The following CASZ1 variants were observed in gnomAD, a reference collection of about 807,000 sequenced individuals.
CASZ1 encodes the protein zinc finger protein castor homolog 1.
Under a neutral mutation model 135.2 loss-of-function variants are expected in CASZ1, and 28 were observed. The observed-to-expected ratio is 0.21, with a 90% CI of 0.15 to 0.28. The LOEUF (loss-of-function observed/expected upper bound fraction) is 0.28, where lower values mean the gene tolerates loss of function less well. CASZ1 is among the 10% of genes least tolerant of loss of function. The probability of loss-of-function intolerance (pLI) is 1.00; values close to 1 mark genes in which losing one functional copy is unlikely to be tolerated. For missense variants in CASZ1, 2,161 were observed against 2,453.3 expected, an observed-to-expected ratio of 0.88 and a Z score of 2.52; for synonymous variants, 1,068 against 1,073.4, an observed-to-expected ratio of 0.99 and a Z score of 0.10.
intron 2 of CASZ1, among the ~76,000 whole-genome samples, chr1:10,736,013 G>A (rs982501510): frequency 6.6e-6 from 1 of 152,132 alleles, no homozygotes; most frequent in Non-Finnish European, 1.5e-5. Flanking sequence ...TAAAGGCAGA[G>A]GAAACCCCAA....
intron 11 of CASZ1, 191 bp downstream of exon 11, chr1:10,653,185 GC>G: frequency 1.5e-6 from 1 of 653,756 alleles, no homozygotes; most frequent in South Asian, 1.8e-5. Flanking sequence ...ACTGTGGGGA[GC>G]CAGAACCAGG....
chr1:10,684,384 G>A (rs1638521259), intron 4 of CASZ1, among the ~76,000 whole-genome samples: 1 of 152,232 alleles, frequency 6.6e-6, no homozygotes, highest in Non-Finnish European at 1.5e-5. Context: ...ACACGAGCAT[G>A]CCTGCCCCAG....
chr1:10,656,167 T>C (rs1398325980), intron 8 of CASZ1, among the ~76,000 whole-genome samples: 1 of 152,224 alleles, frequency 6.6e-6, no homozygotes, highest in East Asian at 1.9e-4. Context: ...CTGGGATCCC[T>C]GGCAAGCCAG....
At chr1:10,787,554 T>C (rs1197375327) in intron 1 of CASZ1, among the ~76,000 whole-genome samples, 1 of 152,148 alleles carries the variant, frequency 6.6e-6, no homozygotes, top group Non-Finnish European at 1.5e-5. Context: ...ACAGCCCTCA[T>C]AGGTACTCTG....
At chr1:10,649,031 G>T (rs764585287) in intron 15 of CASZ1, 39 bp downstream of exon 15, 6 of 1,604,854 alleles carry the variant, frequency 3.7e-6, no homozygotes, top group African/African-American at 1.3e-5. Flanking sequence ...GCTGGGATCC[G>T]TGGGGCTCTG....
At chr1:10,787,445 C>G (rs1350486310) in intron 1 of CASZ1, among the ~76,000 whole-genome samples, 1 of 152,222 alleles carries the variant, frequency 6.6e-6, no homozygotes, top group Admixed American at 6.5e-5. Flanking sequence ...CCCGAAGGAG[C>G]TGTGGGGACG....
In CASZ1 at chr1:10,739,630, C is replaced by T. The variant is rs1288294399; in HGVS notation, c.-77+21071G>A. Among the ~76,000 whole-genome samples the T allele has an allele frequency of 2.6e-5, 4 of 152,208 alleles. No homozygotes were observed. The highest frequency in any genetic ancestry group is 4.4e-5 in the Non-Finnish European group (3 of 68,028). ...GCCTTCTTGTCGTTGATCAAAACAA[C>T]AGGGCCACCAGCTCCTCAAGAGTCC... On this transcript the variant is annotated intron_variant, in intron 2 of 20. Transcript: ENST00000377022. This position sits in a 1 kb window ranked among gnomAD's most constrained non-coding sequence, Gnocchi z 4.8.
At chr1:10,684,648 C>A (rs555773616) in intron 4 of CASZ1, among the ~76,000 whole-genome samples, 268 of 152,312 alleles carry the variant, frequency 1.8e-3, no homozygotes, top group African/African-American at 6.2e-3. Flanking sequence ...CAGTTCTGGG[C>A]AAACTGGGGT....
In CASZ1 at chr1:10,755,134, C is replaced by T. The variant is rs747484551; in HGVS notation, c.-77+5567G>A. On this transcript the variant is annotated intron_variant, in intron 2 of 20. Transcript: ENST00000377022. The surrounding 1 kb of genome is among the most constrained non-coding windows in gnomAD (Gnocchi z 4.3). ...CAAGCGGCAGTGGTGTGGGTGGGAACGTGGCAGCATCCAGGGGTCCCGCGG... is the reference window on the plus strand; with the variant it reads ...CAAGCGGCAGTGGTGTGGGTGGGAATGTGGCAGCATCCAGGGGTCCCGCGG... Among the ~76,000 whole-genome samples the T allele has an allele frequency of 1.3e-5, 2 of 152,304 alleles. No homozygotes were observed. Among genetic ancestry groups the T allele is most frequent in the East Asian group, 3.9e-4 (2 of 5,172 alleles).
chr1:10,666,671 C>T lies in CASZ1; in HGVS notation c.17-1100G>A, dbSNP rs1015734074. On this transcript the variant is annotated intron_variant, in intron 4 of 20. Transcript: ENST00000377022. The surrounding 1 kb of genome is among the most constrained non-coding windows in gnomAD (Gnocchi z 5.2). ...ACTTGAGAGCCAGCGACCTCCCTCG[C>T]GGCCGCATAGCCCAAACTCTGTCCC... 1.3e-5 allele frequency among the ~76,000 whole-genome samples: 2 copies of T among 152,188 alleles called. No individual in the cohort carries two copies. Among genetic ancestry groups the T allele is most frequent in the Non-Finnish European group, 2.9e-5 (2 of 68,028 alleles).
intron 1 of CASZ1, among the ~76,000 whole-genome samples, chr1:10,785,046 GCTTT>G (rs1640830921): frequency 2.0e-5 from 1 of 49,710 alleles, no homozygotes; most frequent in African/African-American, 6.4e-5. Context: ...TTGCTTGCTT[GCTTT>G]CTTTCTGTCT....
Position 10,660,405 on chromosome 1 carries a change from AG to A in CASZ1, c.636del (p.Ser213ProfsTer94). The A allele has an allele frequency of 6.2e-7, 1 of 1,614,154 alleles. No homozygotes were observed. Among genetic ancestry groups the A allele is most frequent in the Non-Finnish European group, 8.5e-7 (1 of 1,180,014 alleles). ...RKISFEKLHA[G>X]STPEAATSSM... ...GAGGAGGTGGCTGCCTCCGGGGTGG[AG>A]CCCGCGTGCAGCTTCTCAAAGCTGA... On this transcript the variant is annotated frameshift_variant, in exon 6 of 21. Transcript: ENST00000377022. LOFTEE classifies it high-confidence loss of function.
chr1:10,677,917 C>T (rs1416556493), intron 4 of CASZ1, among the ~76,000 whole-genome samples: 1 of 152,218 alleles, frequency 6.6e-6, no homozygotes, highest in Non-Finnish European at 1.5e-5. Flanking sequence ...AAGCCAGGCT[C>T]CCCCGTTCTC....
At chr1:10,751,748 G>A (rs1640155026) in intron 2 of CASZ1, among the ~76,000 whole-genome samples, 2 of 152,186 alleles carry the variant, frequency 1.3e-5, no homozygotes, top group Admixed American at 6.5e-5. Context: ...CTGGCTGGCT[G>A]TGCCGGGAAA....
intron 20 of CASZ1, among the ~76,000 whole-genome samples, chr1:10,640,946 G>A (rs1047745863): frequency 2.6e-5 from 4 of 152,218 alleles, no homozygotes; most frequent in Non-Finnish European, 5.9e-5. Flanking sequence ...CAGAGGCACA[G>A]GCAGCTAGTC....
chr1:10,766,819 G>A (rs764998976), intron 1 of CASZ1, among the ~76,000 whole-genome samples: 2 of 152,188 alleles, frequency 1.3e-5, no homozygotes, highest in African/African-American at 2.4e-5. Flanking sequence ...TGAAGTAGAT[G>A]GTTCTCTCAA....
In CASZ1 at chr1:10,697,672, C is replaced by T. The variant is rs188632995; in HGVS notation, c.-23-3760G>A. On this transcript the variant is annotated intron_variant, in intron 3 of 20. Transcript: ENST00000377022. The surrounding 1 kb of genome is among the most constrained non-coding windows in gnomAD (Gnocchi z 4.7). Reference sequence around the variant, plus strand: ...CTTCTCACTCACCAGCCTGTTTACACACCAGGTATCTCATGCTTTATCTGC... The same window carrying T: ...CTTCTCACTCACCAGCCTGTTTACATACCAGGTATCTCATGCTTTATCTGC... 2.0e-5 allele frequency among the ~76,000 whole-genome samples: 3 copies of T among 152,322 alleles called. No homozygotes were observed.
At position 10,653,635 on chromosome 1, in the gene CASZ1, G is replaced by T. The variant is rs761709889; in HGVS notation, c.2422C>A (p.Arg808Ser). The change falls in exon 11 of 21, where the codon CGT (arginine) becomes AGT (serine). Residue 808 changes from arginine (R) to serine (S), a missense_variant. Transcript: ENST00000377022. ...CCCACAGGCAGGGAGGTGCTCCCAC[G>T]GCCAGCCAGTATGGGGAAGTAGGGC... Reference protein sequence around the residue: ...PTPYFPILAGRGSTSLPVGTP... With the variant: ...PTPYFPILAGSGSTSLPVGTP... 1.3e-6 allele frequency: 2 copies of T among 1,549,884 alleles called. No individual in the cohort carries two copies. Among genetic ancestry groups the T allele is most frequent in the Middle Eastern group, 1.7e-4 (1 of 5,760 alleles).
rs570468082 is a variant in CASZ1 at position 10,725,362 on chromosome 1, G to T, written c.-76-19818C>A. Among the ~76,000 whole-genome samples the T allele has an allele frequency of 4.3e-5, 6 of 139,528 alleles. No homozygotes were observed. Among genetic ancestry groups the T allele is most frequent in the African/African-American group, 1.3e-4 (5 of 38,870 alleles). 91.5% of individuals were successfully genotyped at this position (139,528 alleles called of 152,430 possible). The stretch of plus-strand genomic sequence containing the variant: ...AGCTCCCCTCCCGCCCTCCCTCTCC[G>T]GCAGGCTCCTCTCAAGTACTGAGCC... On this transcript the variant is annotated intron_variant, in intron 2 of 20. Coordinates refer to ENST00000377022, the MANE Select transcript of CASZ1 (RefSeq NM_001079843.3). This position sits in a 1 kb window ranked among gnomAD's most constrained non-coding sequence, Gnocchi z 4.4.
Sources: gnomAD v4.1 joint callset for allele counts (sites outside exome capture counted in the v4.1 genomes callset) on GRCh38, gnomAD v4.1.1 for gene constraint, Gnocchi (gnomAD v3.1) non-coding constraint, MANE v1.5 for transcripts, NCBI Gene and HGNC (gene_info 2026-07-23, HGNC 2026-07-21) for gene names.